Variants in CD226 observed in about 807,000 individuals in gnomAD.
The protein encoded by CD226 is CD226 antigen.
In CD226, 24 loss-of-function variants were observed where a neutral mutation model predicts 34.9. The ratio of observed to expected loss-of-function variants is 0.69; its 90% CI spans 0.50 to 0.97. The LOEUF (loss-of-function observed/expected upper bound fraction) is 0.97. Among genes scored for constraint, CD226 ranks in the 50% least tolerant of loss-of-function variants. CD226 has a pLI of 0.00. For synonymous variants in CD226, 148 were observed against 147.4 expected (o/e 1.00, Z -0.03); for missense variants, 397 against 412.7 (o/e 0.96, Z 0.33).
chr18:69,933,351 C>T (rs1178511426), intron 2 of CD226, among the ~76,000 whole-genome samples: 3 of 152,208 alleles, frequency 2.0e-5, no homozygotes, highest in Non-Finnish European at 2.9e-5. Flanking sequence ...GCCTCAAACA[C>T]AAAGAGCATC....
At chr18:69,927,784 C>T (rs529404440) in intron 2 of CD226, among the ~76,000 whole-genome samples, 13 of 152,216 alleles carry the variant, frequency 8.5e-5, no homozygotes, top group South Asian at 2.1e-4. Context: ...TATACATATA[C>T]GCATAATAGA....
chr18:69,943,308 C>T (rs1036713107), intron 2 of CD226, among the ~76,000 whole-genome samples: 3 of 152,114 alleles, frequency 2.0e-5, no homozygotes, highest in Non-Finnish European at 4.4e-5. Context: ...GCCAGAGACA[C>T]GTAGGTGACA....
At chr18:69,898,275 G>A (rs1430217766) in intron 2 of CD226, among the ~76,000 whole-genome samples, 1 of 152,146 alleles carries the variant, frequency 6.6e-6, no homozygotes, top group African/African-American at 2.4e-5. Flanking sequence ...GAGGCAGCGT[G>A]AATGCGTGTC....
intron 3 of CD226, among the ~76,000 whole-genome samples, chr18:69,876,855 C>CT (rs10618085): frequency 9.4e-5 from 6 of 64,074 alleles, no homozygotes; most frequent in African/African-American, 3.2e-4. Context: ...GCCTCTAGAA[C>CT]TTTTTTTTTT....
At chr18:69,884,003 GA>G (rs1259504019) in intron 3 of CD226, among the ~76,000 whole-genome samples, 2 of 152,212 alleles carry the variant, frequency 1.3e-5, no homozygotes, top group Non-Finnish European at 2.9e-5. Flanking sequence ...TGTCCCTGAA[GA>G]AAAGCAGGTG....
In CD226 at chr18:69,860,220, G is replaced by C. The variant is rs1982743354; in HGVS notation, c.*4094C>G. 6.6e-6 allele frequency: 1 copy of C among 152,172 alleles called. No homozygotes were observed. Among genetic ancestry groups the C allele is most frequent in the Admixed American group, 6.5e-5 (1 of 15,278 alleles). 9.4% of individuals were successfully genotyped at this position (152,172 alleles called of 1,614,324 possible). On this transcript the variant is annotated 3_prime_UTR_variant, in exon 6 of 6. Coordinates refer to ENST00000582621, the MANE Select transcript of CD226 (RefSeq NM_001303618.2). ...TCCCTGCTATTTCTCCATGGCAAAT[G>C]AAAGTAGTGATCGTGAAACATTGTG... is the stretch of plus-strand genomic sequence containing the variant.
At chr18:69,922,956 A>AC (rs2055470717) in intron 2 of CD226, among the ~76,000 whole-genome samples, 1 of 151,878 alleles carries the variant, frequency 6.6e-6, no homozygotes. Context: ...ACATGGTGAA[A>AC]CCCCCATCTC....
chr18:69,906,800 G>A (rs2055259658), intron 2 of CD226, among the ~76,000 whole-genome samples: 4 of 152,180 alleles, frequency 2.6e-5, no homozygotes, highest in Non-Finnish European at 4.4e-5. Context: ...ACCCTGCAAT[G>A]CAGGGAACTC....
rs977205915 is a variant in CD226 at position 69,862,579 on chromosome 18, G to A, written c.*1735C>T. On this transcript the variant is annotated 3_prime_UTR_variant, in exon 6 of 6. Transcript: ENST00000582621. ...ATATACTTAAGCACAACCAGGAAAT[G>A]GTCGTTTTTATTTTTTCACTCCTGA... The A allele has an allele frequency of 2.0e-5, 3 of 152,060 alleles. No individual in the cohort carries two copies. The highest frequency in any genetic ancestry group is 4.4e-5 in the Non-Finnish European group (3 of 67,962). The allele number at this position is 152,060 out of a possible 1,614,324, so 9.4% of individuals were successfully genotyped here.
intron 3 of CD226, among the ~76,000 whole-genome samples, chr18:69,880,637 A>G (rs976543605): frequency 6.8e-6 from 1 of 147,790 alleles, no homozygotes; most frequent in African/African-American, 2.5e-5. Context: ...CACGAGGGGA[A>G]TAAGTCTTAA....
chr18:69,862,789 A>G lies in CD226; in HGVS notation c.*1525T>C, dbSNP rs1343968053. On this transcript the variant is annotated 3_prime_UTR_variant, in exon 6 of 6. Transcript: ENST00000582621. Reference sequence around the variant, plus strand: ...TAGAATCTGTCTAGGCAACAGGAGAATTTGGATTTGCTTTATTTAAGATTA... The same window carrying G: ...TAGAATCTGTCTAGGCAACAGGAGAGTTTGGATTTGCTTTATTTAAGATTA... 6.6e-6 allele frequency: 1 copy of G among 152,208 alleles called. No individual in the cohort carries two copies. The allele number at this position is 152,208 out of a possible 1,614,324, so 9.4% of individuals were successfully genotyped here. A position where few individuals can be genotyped will look rare whatever the true frequency, so the allele number is the denominator to read the frequency against.
At chr18:69,957,212 G>A (rs1398125866), upstream of CD226, 2 of 152,182 alleles carry the variant, frequency 1.3e-5, no homozygotes, top group African/African-American at 4.8e-5. Flanking sequence ...GCCGAAATCA[G>A]TTTGTTTCTT....
chr18:69,958,824 C>G (rs577025184), upstream of CD226, among the ~76,000 whole-genome samples: 11 of 148,700 alleles, frequency 7.4e-5, no homozygotes, highest in Admixed American at 2.0e-4. Context: ...CACACACACA[C>G]ACACATCCTT....
At chr18:69,937,698 T>C (rs1384711400) in intron 2 of CD226, among the ~76,000 whole-genome samples, 1 of 152,132 alleles carries the variant, frequency 6.6e-6, no homozygotes, top group Non-Finnish European at 1.5e-5. Context: ...AGCACACCCA[T>C]TTATAAAAGC....
chr18:69,957,669 T>C (rs2145391972), upstream of CD226, among the ~76,000 whole-genome samples: 1 of 152,286 alleles, frequency 6.6e-6, no homozygotes, highest in Non-Finnish European at 1.5e-5. Context: ...TAATTATGCA[T>C]CGCAGGTACA....
intron 2 of CD226, among the ~76,000 whole-genome samples, chr18:69,939,497 C>T (rs572042595): frequency 2.6e-5 from 4 of 152,216 alleles, no homozygotes; most frequent in Non-Finnish European, 2.9e-5. Context: ...GTGTGCTTTT[C>T]GGTTCTACTG....
intron 3 of CD226, among the ~76,000 whole-genome samples, chr18:69,882,026 C>T (rs985704440): frequency 1.3e-5 from 2 of 152,172 alleles, no homozygotes; most frequent in Admixed American, 6.5e-5. Context: ...AATTAAAGGG[C>T]CATGGCTTCA....
At chr18:69,869,198 G>A (rs1053269580) in intron 4 of CD226, among the ~76,000 whole-genome samples, 1 of 152,120 alleles carries the variant, frequency 6.6e-6, no homozygotes, top group Non-Finnish European at 1.5e-5. Flanking sequence ...TAAGACACAT[G>A]CAAGCATGTG....
intron 2 of CD226, among the ~76,000 whole-genome samples, chr18:69,909,233 G>C (rs1598999090): frequency 6.6e-6 from 1 of 152,176 alleles, no homozygotes; most frequent in African/African-American, 2.4e-5. Context: ...ACATGGATGA[G>C]AAAACATCTC....
Sources: allele counts gnomAD v4.1 joint callset (sites outside exome capture counted in the v4.1 genomes callset), GRCh38; gene constraint gnomAD v4.1.1; transcripts MANE v1.5; gene names NCBI Gene and HGNC (gene_info 2026-07-23, HGNC 2026-07-21).